CADPS2: variants seen among roughly 807,000 people sequenced by gnomAD.
CADPS2 encodes calcium-dependent secretion activator 2.
CADPS2 carries 93 observed loss-of-function variants against 172.5 expected under a neutral mutation model. That is an observed-to-expected ratio of 0.54 (90% CI 0.46 to 0.64). The LOEUF is 0.64. Ranked by LOEUF, CADPS2 falls within the 30% of genes least tolerant of loss-of-function variation. CADPS2 has a pLI of 0.00. For missense variants in CADPS2, 1,420 were observed against 1,565.9 expected (o/e 0.91, Z 1.57); for synonymous variants, 546 against 555.2 (o/e 0.98, Z 0.23).
chr7:122,403,031 C>T (rs981178757), intron 20 of CADPS2, among the ~76,000 whole-genome samples: 1 of 152,088 alleles, frequency 6.6e-6, no homozygotes, highest in Non-Finnish European at 1.5e-5. Context: ...CATAGTTTTC[C>T]AAAAGGACAA....
intron 7 of CADPS2, among the ~76,000 whole-genome samples, chr7:122,577,404 AG>A (rs2068193382): frequency 6.6e-6 from 1 of 152,112 alleles, no homozygotes; most frequent in African/African-American, 2.4e-5. Flanking sequence ...ATAATTTTCT[AG>A]AATGAATGGA....
intron 1 of CADPS2, among the ~76,000 whole-genome samples, chr7:122,737,676 G>A (rs1362138314): frequency 6.6e-6 from 1 of 152,080 alleles, no homozygotes; most frequent in Admixed American, 6.6e-5. Flanking sequence ...GAATTCTTGT[G>A]ATTGCCACAC....
chr7:122,533,881 T>A (rs764887983), intron 8 of CADPS2, among the ~76,000 whole-genome samples: 30 of 152,176 alleles, frequency 2.0e-4, no homozygotes, highest in Non-Finnish European at 2.9e-5. Flanking sequence ...CAGATGTTAA[T>A]TTGTTGCATG....
intron 6 of CADPS2, among the ~76,000 whole-genome samples, chr7:122,614,164 C>T (rs937732324): frequency 1.3e-5 from 2 of 151,706 alleles, no homozygotes; most frequent in African/African-American, 2.4e-5. Flanking sequence ...TGCAGAAGAT[C>T]GGGGGAACAG....
chr7:122,871,401 AATT>A (rs1819713355), intron 1 of CADPS2, among the ~76,000 whole-genome samples: 1 of 151,972 alleles, frequency 6.6e-6, no homozygotes, highest in African/African-American at 2.4e-5. Context: ...GACAATTTTT[AATT>A]ATTATAAAAC....
chr7:122,406,306 C>T (rs2046630221), intron 20 of CADPS2, among the ~76,000 whole-genome samples: 1 of 152,182 alleles, frequency 6.6e-6, no homozygotes, highest in African/African-American at 2.4e-5. Context: ...TTTAGGTTTA[C>T]AACCAGAAAG....
intron 3 of CADPS2, among the ~76,000 whole-genome samples, chr7:122,644,083 G>A (rs916889152): frequency 2.7e-5 from 4 of 150,692 alleles, no homozygotes; most frequent in Non-Finnish European, 5.9e-5. Flanking sequence ...AGAAAAGAAA[G>A]GAAGGAAGGA....
At chr7:122,885,042 C>T (rs890669367) in intron 1 of CADPS2, among the ~76,000 whole-genome samples, 3 of 152,196 alleles carry the variant, frequency 2.0e-5, no homozygotes, top group Admixed American at 6.5e-5. Flanking sequence ...TAGGTCTTGT[C>T]ACAAACTGAG....
intron 1 of CADPS2, among the ~76,000 whole-genome samples, chr7:122,812,563 T>C (rs1186241916): frequency 6.6e-6 from 1 of 152,132 alleles, no homozygotes; most frequent in Non-Finnish European, 1.5e-5. Context: ...ATGGCTTGAA[T>C]TTTATTTTCA....
At position 122,830,137 on chromosome 7, in the gene CADPS2, C is replaced by T. The variant is rs114073916; in HGVS notation, c.339+55862G>A. On this transcript the variant is annotated intron_variant, in intron 1 of 29. Transcript: ENST00000449022. Reference sequence around the variant, plus strand: ...TGACACGGCAAGTAACAGGCAGAACCGCTATTCAAACCCAGGTAGTCTGTC... The same window carrying T: ...TGACACGGCAAGTAACAGGCAGAACTGCTATTCAAACCCAGGTAGTCTGTC... 5.7e-3 allele frequency among the ~76,000 whole-genome samples: 873 copies of T among 152,162 alleles called. 8 individuals are homozygous for T. Among genetic ancestry groups the T allele is most frequent in the African/African-American group, 0.018 (759 of 41,500 alleles).
chr7:122,325,878 A>G (rs2033735933), intron 28 of CADPS2, among the ~76,000 whole-genome samples: 1 of 152,186 alleles, frequency 6.6e-6, no homozygotes, highest in Non-Finnish European at 1.5e-5. Flanking sequence ...CCTGCTTTGT[A>G]ATTTGTAAAT....
intron 1 of CADPS2, among the ~76,000 whole-genome samples, chr7:122,837,122 A>T (rs1341030700): frequency 6.6e-6 from 1 of 152,136 alleles, no homozygotes; most frequent in South Asian, 2.1e-4. Context: ...GGATTAAGAA[A>T]CTCACTCAAA....
Position 122,540,003 on chromosome 7 carries a change from TA to T in CADPS2, c.1475+14546del, listed in dbSNP as rs201121469. Among the ~76,000 whole-genome samples the T allele has an allele frequency of 2.2e-3, 331 of 152,148 alleles. 1 individual carries two copies. The highest frequency in any genetic ancestry group is 0.02 in the East Asian group (103 of 5,186). On this transcript the variant is annotated intron_variant, in intron 8 of 29. Coordinates refer to ENST00000449022, the MANE Select transcript of CADPS2 (RefSeq NM_017954.11). Reference sequence around the variant, plus strand: ...TTCAAGTCACATTTTATATTTAATATATTTACTCTTTTGTGTTAAGTTTACT... The same window carrying T: ...TTCAAGTCACATTTTATATTTAATATTTTACTCTTTTGTGTTAAGTTTACT...
At chr7:122,387,446 G>A (rs895763931) in intron 23 of CADPS2, among the ~76,000 whole-genome samples, 1 of 151,886 alleles carries the variant, frequency 6.6e-6, no homozygotes, top group African/African-American at 2.4e-5. Flanking sequence ...TATATCTAGA[G>A]TACCACATTT....
At chr7:122,615,695 A>G (rs1456213610) in intron 5 of CADPS2, among the ~76,000 whole-genome samples, 5 of 152,090 alleles carry the variant, frequency 3.3e-5, no homozygotes, top group Non-Finnish European at 7.4e-5. Context: ...ACCATATAAA[A>G]TAATATAGTA....
chr7:122,685,789 A>G (rs1173606701), intron 2 of CADPS2, among the ~76,000 whole-genome samples: 2 of 152,232 alleles, frequency 1.3e-5, no homozygotes, highest in Non-Finnish European at 2.9e-5. Context: ...TATTTGTTGA[A>G]TGAATCAATG....
chr7:122,802,468 G>A (rs750884699), intron 1 of CADPS2, among the ~76,000 whole-genome samples: 5 of 152,056 alleles, frequency 3.3e-5, no homozygotes, highest in Non-Finnish European at 7.4e-5. Flanking sequence ...ATCCGTTCTT[G>A]GACTTCTTTA....
intron 1 of CADPS2, among the ~76,000 whole-genome samples, chr7:122,860,566 C>T (rs768801876): frequency 1.1e-4 from 17 of 151,834 alleles, no homozygotes; most frequent in Non-Finnish European, 2.1e-4. Flanking sequence ...AAGGTAATTG[C>T]AACATTTTAG....
intron 29 of CADPS2, among the ~76,000 whole-genome samples, chr7:122,321,664 T>C (rs1273434037): frequency 6.6e-6 from 1 of 151,950 alleles, no homozygotes; most frequent in Non-Finnish European, 1.5e-5. Context: ...AATTTTTGTG[T>C]TTTTGGGGTT....
Sources: gnomAD v4.1 joint callset for allele counts (sites outside exome capture counted in the v4.1 genomes callset) on GRCh38, gnomAD v4.1.1 for gene constraint, MANE v1.5 for transcripts, NCBI Gene and HGNC (gene_info 2026-07-23, HGNC 2026-07-21) for gene names.